The following AQP10 variants were observed in gnomAD, a reference collection of about 807,000 sequenced individuals.
The protein encoded by AQP10 is aquaporin 10, also known as aquaporin-10.
In AQP10, 15 loss-of-function variants were observed where a neutral mutation model predicts 21.0. The ratio of observed to expected loss-of-function variants is 0.71; its 90% CI spans 0.48 to 1.10. AQP10 has a LOEUF of 1.10. Ranked by LOEUF, AQP10 falls within the 50% of genes least tolerant of loss-of-function variation. AQP10 has a pLI of 0.00. For synonymous variants in AQP10, 143 were observed against 155.7 expected, an observed-to-expected ratio of 0.92 and a Z score of 0.61; for missense variants, 268 against 379.5, an observed-to-expected ratio of 0.71 and a Z score of 2.44.
At position 154,323,519 on chromosome 1, in the gene AQP10, T is replaced by G. The variant is rs910447637; in HGVS notation, c.490-70T>G. ...GCACAAAGCCAGATGACATGGAATA[T>G]TTGGATGAGAGAGGGCAGATGGAGC... is the stretch of plus-strand genomic sequence containing the variant. On this transcript the variant is annotated intron_variant, in intron 4 of 5. Transcript: ENST00000324978. This position sits in a 1 kb window ranked among gnomAD's most constrained non-coding sequence, Gnocchi z 4.5. The G allele has an allele frequency of 3.9e-6, 6 of 1,556,184 alleles. No homozygotes were observed. The African/African-American group carries it at 8.2e-5, about 21-fold the overall frequency.
chr1:154,322,878 C>G, intron 2 of AQP10, 104 bp from the exon 3 acceptor site: 1 of 1,413,682 alleles, frequency 7.1e-7, no homozygotes, highest in Non-Finnish European at 9.8e-7. Context: ...GAGAATTACA[C>G]TATCTGCCTT....
rs907048277 is a variant in AQP10 at position 154,325,226 on chromosome 1, A to G, written c.*746A>G. 3.9e-5 allele frequency: 6 copies of G among 152,148 alleles called. No individual in the cohort carries two copies. The highest frequency in any genetic ancestry group is 7.3e-5 in the Non-Finnish European group (5 of 68,050). The allele number at this position is 152,148 out of a possible 1,614,324, so 9.4% of individuals were successfully genotyped here. ...AAAATTCTGGTTATTCACCACTTCT[A>G]CAGCTCTCCTGCCGCTCCCTGCAGA... is the stretch of plus-strand genomic sequence containing the variant. On this transcript the variant is annotated 3_prime_UTR_variant, in exon 6 of 6. Transcript: ENST00000324978.
At position 154,324,698 on chromosome 1, in the gene AQP10, C is replaced by A; in HGVS notation, c.*218C>A. 1 of 478,022 alleles carries A rather than the reference C, an allele frequency of 2.1e-6. No homozygotes were observed. Among genetic ancestry groups the A allele is most frequent in the East Asian group, 3.7e-5 (1 of 27,144 alleles). 29.6% of individuals were successfully genotyped at this position (478,022 alleles called of 1,614,324 possible). ...ACTCAGGCTTCTCATCCCCTCCTCC[C>A]GCAAAGCGGTTTTCTGACCCTCAGG... On this transcript the variant is annotated 3_prime_UTR_variant, in exon 6 of 6. Coordinates refer to ENST00000324978, the MANE Select transcript of AQP10 (RefSeq NM_080429.3).
rs1325845782 is a variant in AQP10, at chr1:154,321,206, C to A, written c.51C>A (p.Arg17=). 1 of 1,613,836 alleles carries A rather than the reference C, an allele frequency of 6.2e-7. No individual in the cohort carries two copies. Among genetic ancestry groups the A allele is most frequent in the Admixed American group, 1.7e-5 (1 of 59,996 alleles). Residue 17 remains arginine, a synonymous_variant, in exon 1 of 6, where the codon CGC becomes CGA. Coordinates refer to ENST00000324978, the MANE Select transcript of AQP10 (RefSeq NM_080429.3). ...AAATCATGGGCCACCTCCGGATACG[C>A]AGCCTCCTGGCCCGGCAGTGCCTGG... ...PAEIMGHLRI[R]SLLARQCLAE...
intron 2 of AQP10, 82 bp from the exon 3 acceptor site, chr1:154,322,900 G>A: frequency 6.5e-7 from 1 of 1,543,362 alleles, no homozygotes; most frequent in Non-Finnish European, 8.9e-7. Flanking sequence ...AGAGCTATAG[G>A]AAGGAGCAGT....
At position 154,321,948 on chromosome 1, in the gene AQP10, G is replaced by C. The variant is rs1685650684; in HGVS notation, c.121G>C (p.Ala41Pro). 6.2e-7 allele frequency: 1 copy of C among 1,612,750 alleles called. No homozygotes were observed. Among genetic ancestry groups the C allele is most frequent in the Admixed American group, 1.7e-5 (1 of 59,936 alleles). ...TTCTCAGCAGCTCCTCACCCAAGGA[G>C]CTGTGGCCCAGGCTGTCACCAGTGG... ...VFVLMLLTQG[A>P]VAQAVTSGET... The change falls in exon 2 of 6, where the codon GCT becomes CCT. Residue 41 changes from alanine (A) to proline (P), a missense_variant. Ala to Pro is a conservative substitution (Grantham distance 27, BLOSUM62 -1). Transcript: ENST00000324978.
At position 154,323,766 on chromosome 1, in the gene AQP10, C is replaced by T. The variant is rs758326907; in HGVS notation, c.667C>T (p.Leu223Phe). The change falls in exon 5 of 6, where the codon CTC (leucine) becomes TTC (phenylalanine). Residue 223 changes from leucine (L) to phenylalanine (F), a missense_variant. Physicochemically the swap from Leu to Phe is conservative, Grantham distance 22 (BLOSUM62 0). This residue lies in a region of AQP10 where 229 missense variants were observed against 295.1 expected (regional missense o/e 0.78). Coordinates refer to ENST00000324978, the MANE Select transcript of AQP10 (RefSeq NM_080429.3). This position sits in a 1 kb window ranked among gnomAD's most constrained non-coding sequence, Gnocchi z 4.5. ...LNPARDLGPR[L>F]FTYVAGWGPE... ...CCCTGCCCGGGACCTGGGCCCACGTCTCTTCACCTACGTGGCTGGCTGGGG... is the reference window on the plus strand; with the variant it reads ...CCCTGCCCGGGACCTGGGCCCACGTTTCTTCACCTACGTGGCTGGCTGGGG... The T allele has an allele frequency of 6.2e-7, 1 of 1,614,216 alleles. No homozygotes were observed. Among genetic ancestry groups the T allele is most frequent in the South Asian group, 1.1e-5 (1 of 91,090 alleles).
Position 154,324,346 on chromosome 1 carries a change from G to A in AQP10, c.772G>A (p.Ala258Thr). The A allele has an allele frequency of 6.2e-7, 1 of 1,607,380 alleles. No individual in the cohort carries two copies. Among genetic ancestry groups the A allele is most frequent in the Non-Finnish European group, 8.5e-7 (1 of 1,177,760 alleles). Reference protein sequence around the residue: ...APLVGATVGTATYQLLVALHH... With the variant: ...APLVGATVGTTTYQLLVALHH... ...TCTGGTGGGGGCCACCGTTGGCACA[G>A]CCACTTACCAGCTGTTGGTGGCTCT... The change falls in exon 6 of 6, where the codon GCC (alanine) becomes ACC (threonine). Residue 258 changes from alanine (A) to threonine (T), a missense_variant. Coordinates refer to ENST00000324978, the MANE Select transcript of AQP10 (RefSeq NM_080429.3).
rs1346306058 is a variant in AQP10 at position 154,323,922 on chromosome 1, T to C, written c.707+116T>C. ...TAGCTCTCTTGGCTTCTTAGGACAGTGTTCTTTCTCCAAGTCATATTCTCC... is the reference window on the plus strand; with the variant it reads ...TAGCTCTCTTGGCTTCTTAGGACAGCGTTCTTTCTCCAAGTCATATTCTCC... On this transcript the variant is annotated intron_variant, in intron 5 of 5. Coordinates refer to ENST00000324978, the MANE Select transcript of AQP10 (RefSeq NM_080429.3). This position sits in a 1 kb window ranked among gnomAD's most constrained non-coding sequence, Gnocchi z 4.5. 2.0e-6 allele frequency: 3 copies of C among 1,500,308 alleles called. No homozygotes were observed. The highest frequency in any genetic ancestry group is 2.2e-5 in the Admixed American group (1 of 44,604). 92.9% of individuals were successfully genotyped at this position (1,500,308 alleles called of 1,614,324 possible). A position where few individuals can be genotyped will look rare whatever the true frequency, so the allele number is the denominator to read the frequency against.
chr1:154,324,857 T>C lies in AQP10; in HGVS notation c.*377T>C, dbSNP rs908621562. On this transcript the variant is annotated 3_prime_UTR_variant, in exon 6 of 6. Transcript: ENST00000324978. ...TAGGGCACAACCCTGGGGACTGCCC[T>C]CCATAGCCTGTCCCGACTGCCGACT... The C allele has an allele frequency of 1.3e-5, 2 of 158,876 alleles. No homozygotes were observed. The highest frequency in any genetic ancestry group is 2.8e-5 in the Non-Finnish European group (2 of 72,570). 9.8% of individuals were successfully genotyped at this position (158,876 alleles called of 1,614,324 possible). A position where few individuals can be genotyped will look rare whatever the true frequency, so the allele number is the denominator to read the frequency against.
chr1:154,324,125 C>G (rs1364449392), intron 5 of AQP10, 157 bp from the exon 6 acceptor site: 1 of 1,112,438 alleles, frequency 9.0e-7, no homozygotes, highest in East Asian at 2.6e-5. Context: ...GTTCCCTCTT[C>G]TAAATACTAT....
Position 154,323,512 on chromosome 1 carries a change from T to C in AQP10, c.490-77T>C. On this transcript the variant is annotated intron_variant, in intron 4 of 5. Transcript: ENST00000324978. This position sits in a 1 kb window ranked among gnomAD's most constrained non-coding sequence, Gnocchi z 4.5. ...CTGTGTTGCACAAAGCCAGATGACATGGAATATTTGGATGAGAGAGGGCAG... is the reference window on the plus strand; with the variant it reads ...CTGTGTTGCACAAAGCCAGATGACACGGAATATTTGGATGAGAGAGGGCAG... The C allele has an allele frequency of 6.5e-7, 1 of 1,542,270 alleles. No homozygotes were observed. Among genetic ancestry groups the C allele is most frequent in the South Asian group, 1.2e-5 (1 of 83,974 alleles).
chr1:154,322,271 A>G (rs1234885829), intron 2 of AQP10, among the ~76,000 whole-genome samples: 1 of 152,090 alleles, frequency 6.6e-6, no homozygotes, highest in Non-Finnish European at 1.5e-5. Flanking sequence ...TGGCTCACCT[A>G]GACAGAAATC....
Position 154,323,203 on chromosome 1 carries a change from G to A in AQP10, c.371-38G>A, listed in dbSNP as rs1418062731. 2.5e-6 allele frequency: 4 copies of A among 1,613,578 alleles called. No homozygotes were observed. The highest frequency in any genetic ancestry group is 3.4e-6 in the Non-Finnish European group (4 of 1,179,618). ...CCTCAGAATGGTTTTGGATGAATGA[G>A]CAAAGAGGGAAATCCTGGGTGTTCC... On this transcript the variant is annotated intron_variant, in intron 3 of 5. Coordinates refer to ENST00000324978, the MANE Select transcript of AQP10 (RefSeq NM_080429.3). The surrounding 1 kb of genome is among the most constrained non-coding windows in gnomAD (Gnocchi z 4.5).
rs933923434 is a variant in AQP10, at chr1:154,321,305, A to G, written c.105+45A>G. 5 of 1,492,760 alleles carry G rather than the reference A, an allele frequency of 3.3e-6. No homozygotes were observed. In the Admixed American group the frequency reaches 7.2e-5, roughly 21 times the overall value. The allele number at this position is 1,492,760 out of a possible 1,614,324, so 92.5% of individuals were successfully genotyped here. A position where few individuals can be genotyped will look rare whatever the true frequency, so the allele number is the denominator to read the frequency against. On this transcript the variant is annotated intron_variant, in intron 1 of 5. Coordinates refer to ENST00000324978, the MANE Select transcript of AQP10 (RefSeq NM_080429.3). ...GAAGGAAAGAAGGGGGTTGGGCAAA[A>G]GTTCCTGGCTCCTTCTGTTGTCCTT...
intron 1 of AQP10, 23 bp downstream of exon 1, chr1:154,321,283 G>A (rs1685636382): frequency 4.4e-6 from 7 of 1,593,666 alleles, no homozygotes; most frequent in Non-Finnish European, 5.1e-6. Flanking sequence ...ACTGCGGGAA[G>A]GAAAGAAGGG....
At position 154,323,910 on chromosome 1, in the gene AQP10, T is replaced by C. The variant is rs2149153803; in HGVS notation, c.707+104T>C. ...CTGCCTTTAAAATAGCTCTCTTGGCTTCTTAGGACAGTGTTCTTTCTCCAA... is the reference window on the plus strand; with the variant it reads ...CTGCCTTTAAAATAGCTCTCTTGGCCTCTTAGGACAGTGTTCTTTCTCCAA... On this transcript the variant is annotated intron_variant, in intron 5 of 5. Coordinates refer to ENST00000324978, the MANE Select transcript of AQP10 (RefSeq NM_080429.3). This position sits in a 1 kb window ranked among gnomAD's most constrained non-coding sequence, Gnocchi z 4.5. 3 of 1,518,542 alleles carry C rather than the reference T, an allele frequency of 2.0e-6. No individual in the cohort carries two copies. The highest frequency in any genetic ancestry group is 2.7e-6 in the Non-Finnish European group (3 of 1,128,684). The allele number at this position is 1,518,542 out of a possible 1,614,324, so 94.1% of individuals were successfully genotyped here.
rs557796014 is a variant in AQP10 at position 154,321,220 on chromosome 1, G to A, written c.65G>A (p.Arg22Gln). 7 of 1,613,678 alleles carry A rather than the reference G, an allele frequency of 4.3e-6. No homozygotes were observed. Among genetic ancestry groups the A allele is most frequent in the East Asian group, 4.5e-5 (2 of 44,812 alleles). Residue 22 changes from arginine (R) to glutamine (Q), a missense_variant, in exon 1 of 6, where the codon CGG (arginine) becomes CAG (glutamine). Arg to Gln is a conservative substitution (Grantham distance 43). Coordinates refer to ENST00000324978, the MANE Select transcript of AQP10 (RefSeq NM_080429.3). ...GHLRIRSLLA[R>Q]QCLAEFLGVF... The stretch of plus-strand genomic sequence containing the variant: ...CTCCGGATACGCAGCCTCCTGGCCC[G>A]GCAGTGCCTGGCAGAGTTTCTGGGT...
At chr1:154,324,192 G>GA (rs1685710625) in intron 5 of AQP10, 90 bp from the exon 6 acceptor site, 7 of 1,301,464 alleles carry the variant, frequency 5.4e-6, no homozygotes, top group Non-Finnish European at 2.1e-6. Context: ...AACAACTTTA[G>GA]GGCACTCTCT....
Sources: gnomAD v4.1 joint callset for allele counts (sites outside exome capture counted in the v4.1 genomes callset) on GRCh38, gnomAD v4.1.1 for gene constraint, gnomAD v4.1.1 regional missense constraint, Gnocchi (gnomAD v3.1) non-coding constraint, MANE v1.5 for transcripts, NCBI Gene and HGNC (gene_info 2026-07-23, HGNC 2026-07-21) for gene names.